PRSS12: variants seen among roughly 807,000 people sequenced by gnomAD.
The protein encoded by PRSS12 is serine protease 12.
Under a neutral mutation model 104.4 loss-of-function variants are expected in PRSS12, and 85 were observed. That is an observed-to-expected ratio of 0.81 (90% CI 0.68 to 0.98). The LOEUF is 0.98. Among genes scored for constraint, PRSS12 ranks in the 50% least tolerant of loss-of-function variants. PRSS12 has a pLI of 0.00. For missense variants in PRSS12, 1,141 were observed against 1,139.2 expected (o/e 1.00, Z -0.02); for synonymous variants, 454 against 425.2 (o/e 1.07, Z -0.83).
At chr4:118,299,770 A>AAAATT (rs1560768378) in intron 8 of PRSS12, among the ~76,000 whole-genome samples, 1 of 45,134 alleles carries the variant, frequency 2.2e-5, no homozygotes, top group African/African-American at 5.0e-5. Flanking sequence ...AAAATTAAAT[A>AAAATT]AAATAAAATA....
At chr4:118,303,327 A>T (rs908443904) in intron 8 of PRSS12, 1 of 152,162 alleles carries the variant, frequency 6.6e-6, no homozygotes. Context: ...ACATACAGAA[A>T]GTAAAATTTA....
chr4:118,346,577 T>C (rs1215835593), intron 1 of PRSS12, among the ~76,000 whole-genome samples: 1 of 152,076 alleles, frequency 6.6e-6, no homozygotes, highest in African/African-American at 2.4e-5. Context: ...CCTTCAGTTA[T>C]AAACCAAATT....
Position 118,280,104 on chromosome 4 carries a change from C to G in PRSS12, c.*1832G>C, listed in dbSNP as rs1174550900. ...CAGAACACTTGTATCTTTCAAAAGT[C>G]ACACTTAAGACATAGTAAAAGCATG... On this transcript the variant is annotated 3_prime_UTR_variant, in exon 13 of 13. Coordinates refer to ENST00000296498, the MANE Select transcript of PRSS12 (RefSeq NM_003619.4). 6.6e-6 allele frequency: 1 copy of G among 152,224 alleles called. No homozygotes were observed. Among genetic ancestry groups the G allele is most frequent in the Admixed American group, 6.5e-5 (1 of 15,292 alleles). The allele number at this position is 152,224 out of a possible 1,614,324, so 9.4% of individuals were successfully genotyped here.
intron 4 of PRSS12, among the ~76,000 whole-genome samples, chr4:118,319,293 C>A (rs184654824): frequency 3.9e-5 from 6 of 152,190 alleles, no homozygotes; most frequent in Admixed American, 3.9e-4. Flanking sequence ...GTCTTGAAAT[C>A]CTGGCCTCAA....
chr4:118,312,974 A>G, intron 7 of PRSS12: 1 of 563,918 alleles, frequency 1.8e-6, no homozygotes, highest in Non-Finnish European at 3.1e-6. Context: ...GAGGAACTTA[A>G]TTTTCTAAGT....
In PRSS12 at chr4:118,352,676, G is replaced by A. The variant is rs1232695204; in HGVS notation, c.45C>T (p.Leu15=). Residue 15 remains leucine, a synonymous_variant, in exon 1 of 13, where the codon CTC becomes CTT. Transcript: ENST00000296498. The stretch of plus-strand genomic sequence containing the variant: ...CAGAATCAAAGCCGACCACTTCGGG[G>A]AGCGCCCCTAACATCAGGGCTAGCA... ...RFVLALMLGA[L]PEVVGFDSVL... is the part of the protein sequence containing the mutation. The A allele has an allele frequency of 7.4e-6, 12 of 1,613,348 alleles. No individual in the cohort carries two copies. The highest frequency in any genetic ancestry group is 1.0e-5 in the Non-Finnish European group (12 of 1,179,558).
intron 8 of PRSS12, chr4:118,303,154 G>T (rs1349495497): frequency 6.6e-6 from 1 of 151,684 alleles, no homozygotes; most frequent in African/African-American, 2.4e-5. Flanking sequence ...AATTTAAAGA[G>T]AACTTCCAGA....
In PRSS12 at chr4:118,335,460, T is replaced by C. The variant is rs766064132; in HGVS notation, c.820+13A>G. On this transcript the variant is annotated intron_variant, in intron 3 of 12. Transcript: ENST00000296498. ...ATGAAAGTAAAACAACAGAACTTTT[T>C]TCTTTTTTTTACCATGGGAAAAGCT... The C allele has an allele frequency of 6.2e-7, 1 of 1,610,156 alleles. No homozygotes were observed. Among genetic ancestry groups the C allele is most frequent in the East Asian group, 2.2e-5 (1 of 44,808 alleles).
chr4:118,352,602 C>A lies in PRSS12; in HGVS notation c.119G>T (p.Gly40Val). 1 of 1,608,940 alleles carries A rather than the reference C, an allele frequency of 6.2e-7. No homozygotes were observed. The highest frequency in any genetic ancestry group is 8.5e-7 in the Non-Finnish European group (1 of 1,177,900). Reference sequence around the variant, plus strand: ...GGGAAGGTAATAGGGGTAGTGCGGACCCGCAGGGGGCGAATGGCGGTGGCT... The same window carrying A: ...GGGAAGGTAATAGGGGTAGTGCGGAACCGCAGGGGGCGAATGGCGGTGGCT... ...HHSHRHSPPA[G>V]PHYPYYLPTQ... Residue 40 changes from glycine to valine, a missense_variant, in exon 1 of 13, where the codon GGT becomes GTT. By Grantham distance (109) the Gly-to-Val change is moderately radical. Transcript: ENST00000296498.
intron 11 of PRSS12, among the ~76,000 whole-genome samples, chr4:118,292,205 AGT>A (rs771652506): frequency 8.5e-5 from 13 of 152,148 alleles, no homozygotes; most frequent in Non-Finnish European, 1.6e-4. Flanking sequence ...ATTTACCATC[AGT>A]GTCCTTTATC....
chr4:118,349,170 G>A (rs1236690122), intron 1 of PRSS12, among the ~76,000 whole-genome samples: 1 of 152,046 alleles, frequency 6.6e-6, no homozygotes, highest in East Asian at 1.9e-4. Context: ...ATGTGACTCT[G>A]GCCAGCAGTG....
chr4:118,300,953 TTA>T (rs1261122694), intron 8 of PRSS12, among the ~76,000 whole-genome samples: 5 of 152,024 alleles, frequency 3.3e-5, no homozygotes, highest in Non-Finnish European at 7.4e-5. Flanking sequence ...CTTCTTACAA[TTA>T]TATATATATC....
chr4:118,336,698 C>A (rs1724071952), intron 2 of PRSS12, among the ~76,000 whole-genome samples: 1 of 152,206 alleles, frequency 6.6e-6, no homozygotes, highest in African/African-American at 2.4e-5. Flanking sequence ...GTAGTTCACA[C>A]CTCCACTATA....
intron 9 of PRSS12, 21 bp downstream of exon 9, chr4:118,298,712 G>A: frequency 6.8e-6 from 11 of 1,608,532 alleles, no homozygotes; most frequent in South Asian, 1.1e-5. Flanking sequence ...GACTTGTTTA[G>A]GGCTCCAGAA....
intron 1 of PRSS12, among the ~76,000 whole-genome samples, chr4:118,339,309 T>TC (rs1724140508): frequency 2.0e-5 from 3 of 152,122 alleles, no homozygotes; most frequent in Admixed American, 6.6e-5. Flanking sequence ...ATTAAGAAAT[T>TC]AATTTAAAAA....
In PRSS12 at chr4:118,310,597, AAGC is replaced by A. The variant is rs1156804564; in HGVS notation, c.1490-2023_1490-2021del. Among the ~76,000 whole-genome samples, 19 of 152,354 alleles carry A rather than the reference AAGC, an allele frequency of 1.2e-4. No individual in the cohort carries two copies. The South Asian group carries it at 3.9e-3, about 32-fold the overall frequency. ...TCTTAAATATATAAAGTTTTTGGAA[AAGC>A]TAAACAATCATATTGGTATACAGTT... On this transcript the variant is annotated intron_variant, in intron 7 of 12. Coordinates refer to ENST00000296498, the MANE Select transcript of PRSS12 (RefSeq NM_003619.4).
Sources: allele counts gnomAD v4.1 joint callset (sites outside exome capture counted in the v4.1 genomes callset), GRCh38; gene constraint gnomAD v4.1.1; transcripts MANE v1.5; gene names NCBI Gene and HGNC (gene_info 2026-07-23, HGNC 2026-07-21).